Variants in TMEM167B observed in about 807,000 individuals in gnomAD.
TMEM167B encodes the protein protein kish-B.
Under a neutral mutation model 9.4 loss-of-function variants are expected in TMEM167B, and 2 were observed. The observed-to-expected ratio is 0.21, with a 90% CI of 0.09 to 0.67. The LOEUF (loss-of-function observed/expected upper bound fraction) is 0.67. Ranked by LOEUF, TMEM167B falls within the 30% of genes least tolerant of loss-of-function variation. The probability of loss-of-function intolerance (pLI) is 0.82; values close to 1 mark genes in which losing one functional copy is unlikely to be tolerated. For missense variants in TMEM167B, 68 were observed against 87.6 expected (o/e 0.78, Z 0.89); for synonymous variants, 28 against 32.0 (o/e 0.87, Z 0.42).
intron 1 of TMEM167B, among the ~76,000 whole-genome samples, chr1:109,092,054 A>G (rs375307702): frequency 5.3e-5 from 8 of 152,156 alleles, no homozygotes; most frequent in Admixed American, 2.6e-4. Context: ...TTGTGGTCCA[A>G]TATCTTCTTG....
chr1:109,094,795 A>C lies in TMEM167B; in HGVS notation c.*296A>C. On this transcript the variant is annotated 3_prime_UTR_variant, in exon 3 of 3. Coordinates refer to ENST00000338272, the MANE Select transcript of TMEM167B (RefSeq NM_020141.4). ...GGTGATAAGATTACATACCTCCTTC[A>C]TAAAAACCTGTCATCCTGTTTTGTT... 1 of 305,644 alleles carries C rather than the reference A, an allele frequency of 3.3e-6. No individual in the cohort carries two copies. The highest frequency in any genetic ancestry group is 6.1e-6 in the Non-Finnish European group (1 of 165,102). The allele number at this position is 305,644 out of a possible 1,614,324, so 18.9% of individuals were successfully genotyped here. A position where few individuals can be genotyped will look rare whatever the true frequency, so the allele number is the denominator to read the frequency against.
intron 1 of TMEM167B, among the ~76,000 whole-genome samples, chr1:109,091,358 A>T (rs191840197): frequency 6.6e-6 from 1 of 152,308 alleles, no homozygotes; most frequent in African/African-American, 2.4e-5. Context: ...TTACGGAAAA[A>T]TACCGGAAAG....
chr1:109,093,129 A>ATTCT (rs1664488057), intron 2 of TMEM167B, 108 bp downstream of exon 2: 1 of 1,448,904 alleles, frequency 6.9e-7, no homozygotes, highest in African/African-American at 1.4e-5. Context: ...CATTTTTAGA[A>ATTCT]AAAAATCCCT....
chr1:109,092,854 A>G (rs751713605), intron 1 of TMEM167B, 36 bp from the exon 2 acceptor site: 1 of 1,610,536 alleles, frequency 6.2e-7, no homozygotes, highest in Admixed American at 1.7e-5. Flanking sequence ...ACGCTAGATC[A>G]GTACCTAAGG....
chr1:109,095,494 G>T lies in TMEM167B; in HGVS notation c.*995G>T, dbSNP rs1022093202. ...ACTTGTGATGTTAGATTGAAGTTTTGTCATCTTATAAAAGACAACAAACTT... is the reference window on the plus strand; with the variant it reads ...ACTTGTGATGTTAGATTGAAGTTTTTTCATCTTATAAAAGACAACAAACTT... On this transcript the variant is annotated 3_prime_UTR_variant, in exon 3 of 3. Transcript: ENST00000338272. 1 of 151,996 alleles carries T rather than the reference G, an allele frequency of 6.6e-6. No homozygotes were observed. The highest frequency in any genetic ancestry group is 1.5e-5 in the Non-Finnish European group (1 of 67,998). The allele number at this position is 151,996 out of a possible 1,614,324, so 9.4% of individuals were successfully genotyped here. A position where few individuals can be genotyped will look rare whatever the true frequency, so the allele number is the denominator to read the frequency against.
chr1:109,094,606 C>T lies in TMEM167B; in HGVS notation c.*107C>T, dbSNP rs1405801977. ...AGAGTTCAGCTGAAATCATCGGTCC[C>T]CAGGATGACACCACAGCATCTGCCC... On this transcript the variant is annotated 3_prime_UTR_variant, in exon 3 of 3. Coordinates refer to ENST00000338272, the MANE Select transcript of TMEM167B (RefSeq NM_020141.4). 9.6e-7 allele frequency: 1 copy of T among 1,036,758 alleles called. No homozygotes were observed. Among genetic ancestry groups the T allele is most frequent in the African/African-American group, 1.6e-5 (1 of 64,092 alleles). 64.2% of individuals were successfully genotyped at this position (1,036,758 alleles called of 1,614,324 possible).
intron 1 of TMEM167B, 71 bp downstream of exon 1, chr1:109,090,953 AC>A (rs1012797769): frequency 4.9e-5 from 75 of 1,525,978 alleles, no homozygotes; most frequent in Middle Eastern, 1.8e-4. Flanking sequence ...CGGGGCCGGG[AC>A]TGACGTGGCC....
At chr1:109,093,861 A>T (rs1474426385) in intron 2 of TMEM167B, 1 of 152,822 alleles carries the variant, frequency 6.5e-6, no homozygotes, top group Non-Finnish European at 1.5e-5. Context: ...CAGAGGCCGG[A>T]TGCGGTGGCT....
In TMEM167B at chr1:109,092,903, T is replaced by C; in HGVS notation, c.24T>C (p.Asp8=). Residue 8 remains aspartate, a synonymous_variant, in exon 2 of 3, where the codon GAT becomes GAC. Transcript: ENST00000338272. The stretch of plus-strand genomic sequence containing the variant: ...TTTATTTAACAGTGTACTCCTTGGA[T>C]GGGATTCTGGTGTTTGGTTTGCTCT... MTNVYSL[D]GILVFGLLFV... 1 of 1,614,142 alleles carries C rather than the reference T, an allele frequency of 6.2e-7. No homozygotes were observed. The highest frequency in any genetic ancestry group is 8.5e-7 in the Non-Finnish European group (1 of 1,180,012).
At position 109,095,350 on chromosome 1, in the gene TMEM167B, C is replaced by T. The variant is rs888609576; in HGVS notation, c.*851C>T. On this transcript the variant is annotated 3_prime_UTR_variant, in exon 3 of 3. Coordinates refer to ENST00000338272, the MANE Select transcript of TMEM167B (RefSeq NM_020141.4). ...AATACTGTTACTCAGTTTTAAATGC[C>T]ACGACTAGGGGAAAAAGAAACTATT... 4 of 151,916 alleles carry T rather than the reference C, an allele frequency of 2.6e-5. No homozygotes were observed. The highest frequency in any genetic ancestry group is 9.7e-5 in the African/African-American group (4 of 41,324). 9.4% of individuals were successfully genotyped at this position (151,916 alleles called of 1,614,324 possible). A position where few individuals can be genotyped will look rare whatever the true frequency, so the allele number is the denominator to read the frequency against.
Position 109,096,316 on chromosome 1 carries a change from TG to T in TMEM167B, c.*1820del, listed in dbSNP as rs1355126468. 2.0e-5 allele frequency: 3 copies of T among 152,192 alleles called. No individual in the cohort carries two copies. Among genetic ancestry groups the T allele is most frequent in the African/African-American group, 7.2e-5 (3 of 41,442 alleles). The allele number at this position is 152,192 out of a possible 1,614,324, so 9.4% of individuals were successfully genotyped here. On this transcript the variant is annotated 3_prime_UTR_variant, in exon 3 of 3. Transcript: ENST00000338272. The stretch of plus-strand genomic sequence containing the variant: ...GAACAGGAAAGAGAGTTACACCTTG[TG>T]GGTGTGAGTTTGGGACCTGTTGGCA...
rs139839658 is a variant in TMEM167B at position 109,092,985 on chromosome 1, T to A, written c.106T>A (p.Ser36Thr). 40 of 1,614,156 alleles carry A rather than the reference T, an allele frequency of 2.5e-5. No individual in the cohort carries two copies. The African/African-American group carries it at 4.8e-4, about 19-fold the overall frequency. ...KVPRLKTWLL[S>T]EKKGVWGVFY... ...ACCTCGTCTCAAAACCTGGCTGCTA[T>A]CAGAGAAGAAGGGTGTTTGGGGTGT... The change falls in exon 2 of 3, where the codon TCA becomes ACA. Residue 36 changes from serine to threonine, a missense_variant. Ser to Thr is a moderately conservative substitution (Grantham distance 58). Coordinates refer to ENST00000338272, the MANE Select transcript of TMEM167B (RefSeq NM_020141.4).
chr1:109,092,167 A>T (rs1276234962), intron 1 of TMEM167B, among the ~76,000 whole-genome samples: 1 of 152,204 alleles, frequency 6.6e-6, no homozygotes, highest in Non-Finnish European at 1.5e-5. Flanking sequence ...TCTATGTTGA[A>T]GCCTTAGATA....
intron 1 of TMEM167B, among the ~76,000 whole-genome samples, chr1:109,092,586 T>C (rs969189983): frequency 1.3e-5 from 2 of 152,146 alleles, no homozygotes; most frequent in Non-Finnish European, 2.9e-5. Flanking sequence ...AAAAATTTTT[T>C]TTTGAGTTGG....
Position 109,094,600 on chromosome 1 carries a change from CG to C in TMEM167B, c.*103del, listed in dbSNP as rs1256248097. Reference sequence around the variant, plus strand: ...TGTAGGAGAGTTCAGCTGAAATCATCGGTCCCCAGGATGACACCACAGCATC... The same window carrying C: ...TGTAGGAGAGTTCAGCTGAAATCATCGTCCCCAGGATGACACCACAGCATC... On this transcript the variant is annotated 3_prime_UTR_variant, in exon 3 of 3. Coordinates refer to ENST00000338272, the MANE Select transcript of TMEM167B (RefSeq NM_020141.4). The C allele has an allele frequency of 8.7e-7, 1 of 1,154,446 alleles. No individual in the cohort carries two copies. The highest frequency in any genetic ancestry group is 1.5e-5 in the African/African-American group (1 of 65,988). 71.5% of individuals were successfully genotyped at this position (1,154,446 alleles called of 1,614,324 possible). A position where few individuals can be genotyped will look rare whatever the true frequency, so the allele number is the denominator to read the frequency against.
intron 2 of TMEM167B, 95 bp from the exon 3 acceptor site, chr1:109,094,322 T>C: frequency 1.6e-6 from 2 of 1,218,856 alleles, no homozygotes; most frequent in Non-Finnish European, 2.4e-6. Flanking sequence ...AGCGTTGATA[T>C]GTCTGTCTGT....
chr1:109,094,288 A>G (rs1331148958), intron 2 of TMEM167B, 129 bp from the exon 3 acceptor site: 2 of 928,682 alleles, frequency 2.2e-6, no homozygotes, highest in Non-Finnish European at 3.3e-6. Context: ...CAAAAATAAA[A>G]TAAAAACATC....
At position 109,093,040 on chromosome 1, in the gene TMEM167B, A is replaced by T. The variant is rs772298463; in HGVS notation, c.142+19A>T. The T allele has an allele frequency of 6.2e-7, 1 of 1,613,918 alleles. No individual in the cohort carries two copies. The highest frequency in any genetic ancestry group is 2.2e-5 in the East Asian group (1 of 44,880). ...TACAAAGGTGAGGCCATGTCTGGAC[A>T]GGGAGAAGAGACTGCCATCTCTGGA... On this transcript the variant is annotated intron_variant, in intron 2 of 2. Coordinates refer to ENST00000338272, the MANE Select transcript of TMEM167B (RefSeq NM_020141.4).
chr1:109,092,810 T>G (rs1664479676), intron 1 of TMEM167B, 80 bp from the exon 2 acceptor site: 5 of 1,513,298 alleles, frequency 3.3e-6, no homozygotes, highest in Non-Finnish European at 4.5e-6. Flanking sequence ...ACACACTATC[T>G]TCCTTAGAGT....
Sources: gnomAD v4.1 joint callset for allele counts (sites outside exome capture counted in the v4.1 genomes callset) on GRCh38, gnomAD v4.1.1 for gene constraint, MANE v1.5 for transcripts, NCBI Gene and HGNC (gene_info 2026-07-23, HGNC 2026-07-21) for gene names.